MAP3K20: variants seen among roughly 807,000 people sequenced by gnomAD.
MAP3K20 encodes the protein HCCS-4.
MAP3K20 carries 40 observed loss-of-function variants against 85.7 expected under a neutral mutation model. The observed-to-expected ratio is 0.47, with a 90% CI of 0.36 to 0.61. The LOEUF (loss-of-function observed/expected upper bound fraction) is 0.61, where lower values mean the gene tolerates loss of function less well. Ranked by LOEUF, MAP3K20 falls within the 20% of genes least tolerant of loss-of-function variation. MAP3K20 has a pLI of 0.00. For missense variants in MAP3K20, 817 were observed against 961.7 expected, an observed-to-expected ratio of 0.85 and a Z score of 1.99; for synonymous variants, 325 against 327.7, an observed-to-expected ratio of 0.99 and a Z score of 0.09.
At chr2:173,116,410 G>C (rs1688126046) in intron 2 of MAP3K20, among the ~76,000 whole-genome samples, 1 of 152,130 alleles carries the variant, frequency 6.6e-6, no homozygotes, top group Non-Finnish European at 1.5e-5. Context: ...CCTTTGGCCA[G>C]CATCTCCCTG....
chr2:173,134,420 A>ATTT (rs1559246094), intron 2 of MAP3K20, among the ~76,000 whole-genome samples: 5 of 6,154 alleles, frequency 8.1e-4, no homozygotes, highest in Admixed American at 1.7e-3. Context: ...ATATATATAT[A>ATTT]TATATATATT....
intron 3 of MAP3K20, among the ~76,000 whole-genome samples, chr2:173,180,130 G>C (rs1165337622): frequency 6.6e-6 from 1 of 151,966 alleles, no homozygotes; most frequent in Non-Finnish European, 1.5e-5. Context: ...AAATTTACGT[G>C]GTAATGCAAA....
chr2:173,123,558 C>A (rs1688358931), intron 2 of MAP3K20, among the ~76,000 whole-genome samples: 1 of 152,208 alleles, frequency 6.6e-6, no homozygotes, highest in Non-Finnish European at 1.5e-5. Flanking sequence ...AAAAAGAAAG[C>A]TAGTCTCTTG....
At chr2:173,246,823 A>C (rs2106343763) in intron 16 of MAP3K20, among the ~76,000 whole-genome samples, 1 of 152,268 alleles carries the variant, frequency 6.6e-6, no homozygotes, top group Admixed American at 6.5e-5. Context: ...AAAGTAACGG[A>C]AACAGCACGC....
At chr2:173,098,433 A>G (rs1687527367) in intron 2 of MAP3K20, among the ~76,000 whole-genome samples, 1 of 152,242 alleles carries the variant, frequency 6.6e-6, no homozygotes, top group Admixed American at 6.5e-5. Flanking sequence ...GTCGCAGTCT[A>G]AACTTTGTTT....
chr2:173,260,989 C>T (rs755218221), intron 17 of MAP3K20, 74 bp from the exon 18 acceptor site: 28 of 1,383,600 alleles, frequency 2.0e-5, no homozygotes, highest in African/African-American at 1.0e-4. Context: ...ATGGCACAAC[C>T]GGCCTCAAAG....
chr2:173,120,224 A>G (rs1688242463), intron 2 of MAP3K20, among the ~76,000 whole-genome samples: 1 of 152,098 alleles, frequency 6.6e-6, no homozygotes, highest in Non-Finnish European at 1.5e-5. Context: ...CACTTAGCCA[A>G]AACCTTAGCT....
intron 16 of MAP3K20, among the ~76,000 whole-genome samples, chr2:173,257,445 T>C (rs1685186705): frequency 6.6e-6 from 1 of 152,212 alleles, no homozygotes; most frequent in Non-Finnish European, 1.5e-5. Context: ...TGTGTGGTTC[T>C]TTCACTCACT....
chr2:173,232,246 T>A (rs1255381688), intron 13 of MAP3K20, 24 bp downstream of exon 13: 1 of 1,614,246 alleles, frequency 6.2e-7, no homozygotes, highest in Admixed American at 1.7e-5. Context: ...GTTACCTTCT[T>A]CAATCATGGA....
At chr2:173,101,227 A>G (rs1253792596) in intron 2 of MAP3K20, among the ~76,000 whole-genome samples, 1 of 152,182 alleles carries the variant, frequency 6.6e-6, no homozygotes, top group African/African-American at 2.4e-5. Flanking sequence ...TTTTTTTTAG[A>G]TGATTAGTGT....
intron 2 of MAP3K20, among the ~76,000 whole-genome samples, chr2:173,104,544 T>C (rs917327235): frequency 6.6e-6 from 1 of 152,140 alleles, no homozygotes; most frequent in Non-Finnish European, 1.5e-5. Flanking sequence ...TAGTGAAATG[T>C]CAATAAAGCC....
chr2:173,082,223 G>A (rs755692807), intron 1 of MAP3K20, among the ~76,000 whole-genome samples: 1 of 152,040 alleles, frequency 6.6e-6, no homozygotes, highest in African/African-American at 2.4e-5. Flanking sequence ...GCCCAAGTTG[G>A]TCTTAAATGC....
chr2:173,155,741 T>C (rs998244032), intron 2 of MAP3K20, among the ~76,000 whole-genome samples: 1 of 152,182 alleles, frequency 6.6e-6, no homozygotes, highest in Non-Finnish European at 1.5e-5. Context: ...GGCAAGTATG[T>C]TTTGGGATTA....
chr2:173,160,864 G>A (rs1250244639), intron 2 of MAP3K20, among the ~76,000 whole-genome samples: 1 of 152,142 alleles, frequency 6.6e-6, no homozygotes, highest in Non-Finnish European at 1.5e-5. Flanking sequence ...TGTGCAATGT[G>A]GCCCCACTAC....
At chr2:173,190,656 G>A (rs1465201083) in intron 5 of MAP3K20, among the ~76,000 whole-genome samples, 1 of 152,182 alleles carries the variant, frequency 6.6e-6, no homozygotes, top group African/African-American at 2.4e-5. Context: ...TTACTGGACA[G>A]TACTGCATTT....
At chr2:173,218,283 G>A (rs912812452) in intron 11 of MAP3K20, among the ~76,000 whole-genome samples, 1 of 152,148 alleles carries the variant, frequency 6.6e-6, no homozygotes, top group East Asian at 1.9e-4. Flanking sequence ...TTCCCAACTT[G>A]TGTGGAGAAG....
intron 9 of MAP3K20, among the ~76,000 whole-genome samples, chr2:173,208,230 C>T (rs1187471621): frequency 6.6e-6 from 1 of 151,860 alleles, no homozygotes; most frequent in Admixed American, 6.6e-5. Context: ...CGAGACCCCT[C>T]TGTATAAAAA....
At chr2:173,251,877 T>C (rs1414629573) in intron 16 of MAP3K20, among the ~76,000 whole-genome samples, 1 of 152,272 alleles carries the variant, frequency 6.6e-6, no homozygotes, top group Non-Finnish European at 1.5e-5. Flanking sequence ...AAGGCTAATT[T>C]TGGGAGTCTG....
intron 2 of MAP3K20, among the ~76,000 whole-genome samples, chr2:173,157,737 A>C (rs907080333): frequency 3.3e-5 from 5 of 152,214 alleles, no homozygotes; most frequent in Non-Finnish European, 7.3e-5. Context: ...TTTATTAGCT[A>C]TAAAATTGGT....
Sources: allele counts gnomAD v4.1 joint callset (sites outside exome capture counted in the v4.1 genomes callset), GRCh38; gene constraint gnomAD v4.1.1; transcripts MANE v1.5; gene names NCBI Gene and HGNC (gene_info 2026-07-23, HGNC 2026-07-21).